The following RHAG variants were observed in gnomAD, a reference collection of about 807,000 sequenced individuals.
The protein encoded by RHAG is Rh associated glycoprotein.
In RHAG, 25 loss-of-function variants were observed where a neutral mutation model predicts 42.4. The observed-to-expected ratio is 0.59, with a 90% CI of 0.43 to 0.82. RHAG has a LOEUF of 0.82. Among genes scored for constraint, RHAG ranks in the 40% least tolerant of loss-of-function variants. The pLI is 0.00. For missense variants in RHAG, 483 were observed against 504.6 expected (o/e 0.96, Z 0.41); for synonymous variants, 182 against 177.7 (o/e 1.02, Z -0.19).
intron 6 of RHAG, among the ~76,000 whole-genome samples, chr6:49,611,916 ATT>A (rs368093436): frequency 6.9e-6 from 1 of 144,032 alleles, no homozygotes; most frequent in African/African-American, 2.5e-5. Context: ...TAATTTTTGT[ATT>A]TTTTTTTTTA....
chr6:49,634,454 C>T (rs776698094), intron 1 of RHAG, among the ~76,000 whole-genome samples: 1 of 152,088 alleles, frequency 6.6e-6, no homozygotes, highest in Admixed American at 6.6e-5. Flanking sequence ...AGTCTCACTA[C>T]TAGGGATATT....
chr6:49,610,421 T>G (rs1162502963), intron 7 of RHAG, among the ~76,000 whole-genome samples: 1 of 152,192 alleles, frequency 6.6e-6, no homozygotes, highest in East Asian at 1.9e-4. Context: ...AGTAAACATT[T>G]ATACCCAACT....
intron 5 of RHAG, 62 bp from the exon 6 acceptor site, chr6:49,612,596 G>A (rs1791407048): frequency 6.3e-7 from 1 of 1,590,940 alleles, no homozygotes; most frequent in Non-Finnish European, 8.6e-7. Flanking sequence ...AGAAGGATCA[G>A]AGGATTCTAG....
At chr6:49,632,629 T>C (rs1011657023) in intron 1 of RHAG, among the ~76,000 whole-genome samples, 1 of 152,162 alleles carries the variant, frequency 6.6e-6, no homozygotes, top group African/African-American at 2.4e-5. Context: ...GTAACAGTAT[T>C]ACAGTGTGAC....
intron 1 of RHAG, among the ~76,000 whole-genome samples, chr6:49,626,110 C>T (rs543847171): frequency 1.2e-3 from 187 of 152,250 alleles, no homozygotes; most frequent in African/African-American, 1.3e-3. Flanking sequence ...CATTTCGCTC[C>T]AGCCCCTCCA....
intron 1 of RHAG, among the ~76,000 whole-genome samples, chr6:49,621,202 G>C (rs1762752852): frequency 6.6e-6 from 1 of 152,120 alleles, no homozygotes; most frequent in African/African-American, 2.4e-5. Context: ...GAGATGCGCT[G>C]CCCAGATGCC....
chr6:49,628,782 T>G (rs1762886715), intron 1 of RHAG, among the ~76,000 whole-genome samples: 2 of 151,912 alleles, frequency 1.3e-5, no homozygotes, highest in Admixed American at 1.3e-4. Context: ...GGGCTCGTGG[T>G]CTCGCTGGCT....
intron 1 of RHAG, among the ~76,000 whole-genome samples, chr6:49,631,243 C>T (rs956764243): frequency 1.3e-5 from 2 of 152,146 alleles, no homozygotes; most frequent in Admixed American, 6.5e-5. Flanking sequence ...CTGGGTGACT[C>T]TTTCAGAACA....
intron 6 of RHAG, among the ~76,000 whole-genome samples, chr6:49,611,740 CTTT>C (rs796656135): frequency 7.0e-6 from 1 of 143,602 alleles, no homozygotes; most frequent in African/African-American, 2.6e-5. Flanking sequence ...CTAAATCTCT[CTTT>C]TTTTTTTTTT....
chr6:49,606,406 C>A (rs1415240837), intron 9 of RHAG, among the ~76,000 whole-genome samples: 1 of 151,952 alleles, frequency 6.6e-6, no homozygotes, highest in African/African-American at 2.4e-5. Flanking sequence ...CATTTACTAA[C>A]TAAATTCTTT....
chr6:49,629,333 A>C (rs1404842721), intron 1 of RHAG, among the ~76,000 whole-genome samples: 2 of 151,942 alleles, frequency 1.3e-5, no homozygotes, highest in Non-Finnish European at 2.9e-5. Context: ...CCATTGGTGC[A>C]CTCACAAACC....
intron 7 of RHAG, among the ~76,000 whole-genome samples, chr6:49,609,259 C>G (rs1762527790): frequency 1.3e-5 from 2 of 152,096 alleles, no homozygotes; most frequent in Non-Finnish European, 2.9e-5. Flanking sequence ...CTCCTACCCC[C>G]ACCAACGAAT....
chr6:49,621,590 ACC>A, intron 1 of RHAG, among the ~76,000 whole-genome samples: 1 of 152,164 alleles, frequency 6.6e-6, no homozygotes, highest in Non-Finnish European at 1.5e-5. Flanking sequence ...ATTAATATCA[ACC>A]TGTTTCCCTT....
intron 1 of RHAG, among the ~76,000 whole-genome samples, chr6:49,634,987 T>C (rs55806247): frequency 0.23 from 31,823 of 140,982 alleles, 3,946 homozygotes; most frequent in African/African-American, 0.31. Flanking sequence ...TGTTTGTGTA[T>C]ACCTGTGTGT....
intron 1 of RHAG, among the ~76,000 whole-genome samples, chr6:49,634,776 G>GT (rs1275972710): frequency 6.6e-6 from 1 of 151,988 alleles, no homozygotes; most frequent in African/African-American, 2.4e-5. Context: ...GAAGAGCGAT[G>GT]TGACTACTAA....
At chr6:49,615,543 C>A (rs1423801054) in intron 4 of RHAG, 81 bp downstream of exon 4, 2 of 1,486,732 alleles carry the variant, frequency 1.3e-6, no homozygotes, top group African/African-American at 2.8e-5. Context: ...TCTTTTTGAG[C>A]ATCTCACACC....
chr6:49,620,418 T>C (rs1338097745), intron 1 of RHAG, among the ~76,000 whole-genome samples: 1 of 152,208 alleles, frequency 6.6e-6, no homozygotes, highest in Non-Finnish European at 1.5e-5. Flanking sequence ...TATATGAGAT[T>C]GACATTTTTG....
intron 1 of RHAG, among the ~76,000 whole-genome samples, chr6:49,633,758 G>A (rs1351346133): frequency 1.3e-5 from 2 of 152,052 alleles, no homozygotes; most frequent in Non-Finnish European, 2.9e-5. Flanking sequence ...TTCTCTCTCT[G>A]GTGGAGAGAG....
Position 49,605,640 on chromosome 6 carries a change from A to C in RHAG, c.*173T>G. The C allele has an allele frequency of 1.4e-6, 1 of 720,872 alleles. No homozygotes were observed. The highest frequency in any genetic ancestry group is 2.7e-5 in the East Asian group (1 of 37,500). The allele number at this position is 720,872 out of a possible 1,614,324, so 44.7% of individuals were successfully genotyped here. On this transcript the variant is annotated 3_prime_UTR_variant, in exon 10 of 10. Coordinates refer to ENST00000371175, the MANE Select transcript of RHAG (RefSeq NM_000324.3). ...ACATAAGGACATTTTTACACTGGCCATTTGGGACTTAGGATCTATTCACTC... is the reference window on the plus strand; with the variant it reads ...ACATAAGGACATTTTTACACTGGCCCTTTGGGACTTAGGATCTATTCACTC...
Sources: gnomAD v4.1 joint callset for allele counts (sites outside exome capture counted in the v4.1 genomes callset) on GRCh38, gnomAD v4.1.1 for gene constraint, MANE v1.5 for transcripts, NCBI Gene and HGNC (gene_info 2026-07-23, HGNC 2026-07-21) for gene names.